The following ANKDD1A variants were observed in gnomAD, a reference collection of about 807,000 sequenced individuals.
The protein encoded by ANKDD1A is ankyrin repeat and death domain containing 1A, also known as ankyrin repeat and death domain-containing protein 1A.
Under a neutral mutation model 63.5 loss-of-function variants are expected in ANKDD1A, and 59 were observed. That is an observed-to-expected ratio of 0.93 (90% CI 0.75 to 1.15). The LOEUF is 1.15. ANKDD1A is among the 50% of genes most tolerant of loss of function. The probability of loss-of-function intolerance (pLI) is 0.00; values close to 1 mark genes in which losing one functional copy is unlikely to be tolerated. For synonymous variants in ANKDD1A, 266 were observed against 263.9 expected (o/e 1.01, Z -0.08); for missense variants, 632 against 656.4 (o/e 0.96, Z 0.41).
intron 6 of ANKDD1A, among the ~76,000 whole-genome samples, chr15:64,928,677 T>C (rs556882006): frequency 6.6e-6 from 1 of 152,076 alleles, no homozygotes; most frequent in East Asian, 1.9e-4. Context: ...GCTTTGAGAG[T>C]CCAGAGAGAG....
intron 14 of ANKDD1A, chr15:64,951,560 T>TTTCTTGC (rs1349611332): frequency 3.6e-4 from 1 of 2,806 alleles, no homozygotes; most frequent in Admixed American, 8.5e-3. Context: ...TCTTCTTTCT[T>TTTCTTGC]TTTCTTTTCT....
intron 5 of ANKDD1A, among the ~76,000 whole-genome samples, chr15:64,926,587 G>C (rs1376651750): frequency 6.6e-6 from 1 of 152,124 alleles, no homozygotes; most frequent in East Asian, 1.9e-4. Flanking sequence ...TCTTAGGAGG[G>C]AAGGTCTGAT....
chr15:64,918,390 G>A (rs544383750), intron 3 of ANKDD1A, among the ~76,000 whole-genome samples: 1 of 152,282 alleles, frequency 6.6e-6, no homozygotes, highest in South Asian at 2.1e-4. Flanking sequence ...ACTAGTTGGG[G>A]TTGAGGTGAG....
intron 6 of ANKDD1A, among the ~76,000 whole-genome samples, chr15:64,927,350 C>G (rs183892236): frequency 1.3e-3 from 199 of 152,262 alleles, no homozygotes; most frequent in African/African-American, 4.6e-3. Flanking sequence ...GGGCTGTGAT[C>G]TACTGGGGTT....
intron 11 of ANKDD1A, 48 bp downstream of exon 11, chr15:64,943,630 C>T (rs2085202383): frequency 6.4e-7 from 1 of 1,571,856 alleles, no homozygotes; most frequent in Admixed American, 1.7e-5. Context: ...ATGGCTCCCC[C>T]CTTGCCAGAG....
intron 7 of ANKDD1A, 87 bp downstream of exon 7, chr15:64,931,007 T>TA: frequency 2.8e-6 from 4 of 1,407,346 alleles, no homozygotes; most frequent in Non-Finnish European, 3.9e-6. Flanking sequence ...TGGTGAAGTC[T>TA]AAAGCCAGAA....
At chr15:64,953,836 CTCT>C (rs1202871118) in intron 14 of ANKDD1A, among the ~76,000 whole-genome samples, 51,425 of 94,740 alleles carry the variant, frequency 0.54, 9,901 homozygotes, top group Non-Finnish European at 0.6. Context: ...TTCTTCTTTC[CTCT>C]TCTTTTCTTC....
chr15:64,946,978 C>T (rs748887483), intron 12 of ANKDD1A, among the ~76,000 whole-genome samples: 1 of 152,186 alleles, frequency 6.6e-6, no homozygotes, highest in South Asian at 2.1e-4. Flanking sequence ...CTTTACTACC[C>T]CTTGTGATTC....
chr15:64,948,490 G>A (rs987071157), intron 13 of ANKDD1A, among the ~76,000 whole-genome samples: 7 of 152,116 alleles, frequency 4.6e-5, no homozygotes, highest in African/African-American at 1.7e-4. Flanking sequence ...TCTAACCCAA[G>A]CAGACTCAGC....
At chr15:64,923,590 C>T (rs1411315355) in intron 4 of ANKDD1A, among the ~76,000 whole-genome samples, 3 of 152,208 alleles carry the variant, frequency 2.0e-5, no homozygotes, top group African/African-American at 7.2e-5. Flanking sequence ...TTGTTAGGAT[C>T]CTGTTGGCAG....
At chr15:64,911,996 G>GCCCCCC in intron 1 of ANKDD1A, 32 bp downstream of exon 1, 2 of 320,722 alleles carry the variant, frequency 6.2e-6, no homozygotes, top group Non-Finnish European at 1.1e-5. Flanking sequence ...AGGGGGGCGG[G>GCCCCCC]CCGAGGCCGA....
chr15:64,953,630 C>CTTCTTT (rs1467278506), intron 14 of ANKDD1A, among the ~76,000 whole-genome samples: 1 of 20,726 alleles, frequency 4.8e-5, no homozygotes, highest in Non-Finnish European at 1.7e-4. Context: ...TCTTCTTCTT[C>CTTCTTT]CTTCTTCTTC....
rs1234970504 is a variant in ANKDD1A, at chr15:64,951,457, C to T, written c.1483+1485C>T. ...TTTTCTTTCTTCTTCCCTTTCTTTT[C>T]TTTTCTCTTTTTTCTTTTCTTCTTC... On this transcript the variant is annotated intron_variant, in intron 14 of 14. Transcript: ENST00000319580. 1.4e-3 allele frequency: 45 copies of T among 31,378 alleles called. No individual in the cohort carries two copies. The East Asian group carries it at 0.042, about 29-fold the overall frequency. 1.9% of individuals were successfully genotyped at this position (31,378 alleles called of 1,614,324 possible).
At chr15:64,915,967 G>T in intron 2 of ANKDD1A, 67 bp downstream of exon 2, 1 of 1,475,468 alleles carries the variant, frequency 6.8e-7, no homozygotes, top group South Asian at 1.2e-5. Flanking sequence ...GTACACAGGG[G>T]GAATAGTTTA....
intron 6 of ANKDD1A, among the ~76,000 whole-genome samples, chr15:64,928,601 G>T (rs565313284): frequency 6.6e-6 from 1 of 152,286 alleles, no homozygotes; most frequent in South Asian, 2.1e-4. Context: ...CCTGATAAGG[G>T]GGATAGACCT....
intron 14 of ANKDD1A, among the ~76,000 whole-genome samples, chr15:64,952,231 C>T (rs555503843): frequency 6.1e-5 from 8 of 130,682 alleles, no homozygotes; most frequent in African/African-American, 3.3e-4. Flanking sequence ...TCCTTCTCCT[C>T]CTTTCTTCTT....
intron 14 of ANKDD1A, among the ~76,000 whole-genome samples, chr15:64,951,981 CTTA>C (rs1223615759): frequency 6.8e-6 from 1 of 146,198 alleles, no homozygotes; most frequent in Non-Finnish European, 1.5e-5. Flanking sequence ...CTTCTTCCTT[CTTA>C]TTCTTCTTTC....
chr15:64,913,211 C>T (rs2084945918), intron 1 of ANKDD1A, among the ~76,000 whole-genome samples: 1 of 152,216 alleles, frequency 6.6e-6, no homozygotes, highest in Non-Finnish European at 1.5e-5. Flanking sequence ...CTATACAGAT[C>T]TCTTTCTTCA....
At chr15:64,952,785 CTCCTT>C (rs2085320661) in intron 14 of ANKDD1A, among the ~76,000 whole-genome samples, 2 of 20,780 alleles carry the variant, frequency 9.6e-5, no homozygotes, top group African/African-American at 6.4e-5. Flanking sequence ...CTTCTTCCTT[CTCCTT>C]CTTCTTTTCT....
Sources: gnomAD v4.1 joint callset for allele counts (sites outside exome capture counted in the v4.1 genomes callset) on GRCh38, gnomAD v4.1.1 for gene constraint, MANE v1.5 for transcripts, NCBI Gene and HGNC (gene_info 2026-07-23, HGNC 2026-07-21) for gene names.